The following GABRA3 variants were observed in gnomAD, a reference collection of about 807,000 sequenced individuals.
The protein encoded by GABRA3 is gamma-aminobutyric acid type A receptor subunit alpha3.
A neutral mutation model predicts 30.1 loss-of-function variants in GABRA3; 10 were observed. That is an observed-to-expected ratio of 0.33 (90% CI 0.20 to 0.56). The LOEUF (loss-of-function observed/expected upper bound fraction) is 0.56. Among genes scored for constraint, GABRA3 ranks in the 20% least tolerant of loss-of-function variants. GABRA3 has a pLI of 0.89. For synonymous variants in GABRA3, 151 were observed against 146.8 expected, an observed-to-expected ratio of 1.03 and a Z score of -0.21; for missense variants, 233 against 392.0, an observed-to-expected ratio of 0.59 and a Z score of 3.42.
chrX:152,428,475 AC>A (rs762404164), intron 1 of GABRA3, among the ~76,000 whole-genome samples: 7 of 112,357 alleles, frequency 6.2e-5, no homozygotes, highest in Admixed American at 5.7e-4. Flanking sequence ...AGTTCAGGCA[AC>A]CTGCCTTTAT....
At chrX:152,319,555 C>T (rs775317063) in intron 3 of GABRA3, among the ~76,000 whole-genome samples, 53 of 111,874 alleles carry the variant, frequency 4.7e-4, no homozygotes, top group African/African-American at 1.6e-3. Context: ...GTCCTCATCT[C>T]TCACCTTATA....
intron 3 of GABRA3, among the ~76,000 whole-genome samples, chrX:152,291,559 G>A (rs903729399): frequency 8.9e-6 from 1 of 111,805 alleles, no homozygotes; most frequent in East Asian, 2.8e-4. Flanking sequence ...TTGAATAGGA[G>A]TGGTGGGAGA....
chrX:152,278,352 A>G (rs1939129889), intron 4 of GABRA3, among the ~76,000 whole-genome samples: 2 of 106,906 alleles, frequency 1.9e-5, no homozygotes, highest in Admixed American at 2.0e-4. Flanking sequence ...GAGTGAGAAC[A>G]TGTGGTGTTT....
At chrX:152,225,893 T>C (rs770403204) in intron 5 of GABRA3, among the ~76,000 whole-genome samples, 2 of 110,492 alleles carry the variant, frequency 1.8e-5, no homozygotes, top group Non-Finnish European at 3.8e-5. Flanking sequence ...TGGTTATCAA[T>C]TATAGCGTCA....
intron 3 of GABRA3, among the ~76,000 whole-genome samples, chrX:152,317,198 G>T (rs1030212937): frequency 3.6e-5 from 4 of 111,764 alleles, no homozygotes; most frequent in African/African-American, 1.3e-4. Flanking sequence ...AAATTTTAAA[G>T]CAACAGCAGT....
At chrX:152,272,093 G>T (rs1341606536) in intron 4 of GABRA3, among the ~76,000 whole-genome samples, 3 of 111,873 alleles carry the variant, frequency 2.7e-5, no homozygotes, top group African/African-American at 3.2e-5. Flanking sequence ...GTCCCCACTG[G>T]GGCACTGCCT....
chrX:152,168,407 G>A lies in GABRA3; in HGVS notation c.1300C>T (p.Pro434Ser), dbSNP rs769679884. The part of the protein sequence containing the change: ...ASSTPTIIAS[P>S]KATYVQDSPT... ...CTGTCCTGCACGTAGGTGGCCTTGG[G>A]TGAAGCAATGATTGTTGGGGTTGAG... is the stretch of plus-strand genomic sequence containing the variant. Residue 434 changes from proline to serine, a missense_variant, in exon 10 of 10, where the codon CCC (proline) becomes TCC (serine). Around this residue, in one of 6 missense-constraint regions of GABRA3, gnomAD observed 66 missense variants for 57.1 expected, o/e 1.16. Coordinates refer to ENST00000370314, the MANE Select transcript of GABRA3 (RefSeq NM_000808.4). 4 of 1,212,087 alleles carry A rather than the reference G, an allele frequency of 3.3e-6. No individual in the cohort carries two copies. Among genetic ancestry groups the A allele is most frequent in the Admixed American group, 4.3e-5 (2 of 46,044 alleles).
intron 3 of GABRA3, among the ~76,000 whole-genome samples, chrX:152,290,321 G>C (rs934868440): frequency 2.7e-5 from 3 of 112,026 alleles, no homozygotes; most frequent in African/African-American, 9.7e-5. Context: ...CTTTTGAGAA[G>C]TGTATGTTCA....
At chrX:152,233,603 G>A (rs1342710211) in intron 5 of GABRA3, among the ~76,000 whole-genome samples, 1 of 109,969 alleles carries the variant, frequency 9.1e-6, no homozygotes, top group Admixed American at 9.7e-5. Flanking sequence ...TGGTGGGACT[G>A]TAAACTAGTT....
chrX:152,226,367 C>T (rs1476267838), intron 5 of GABRA3, among the ~76,000 whole-genome samples: 2 of 111,390 alleles, frequency 1.8e-5, no homozygotes, highest in East Asian at 2.8e-4. Context: ...CTATGAGATG[C>T]TCACAGTATG....
intron 3 of GABRA3, among the ~76,000 whole-genome samples, chrX:152,326,716 G>T (rs1940065804): frequency 9.0e-6 from 1 of 111,541 alleles, no homozygotes; most frequent in African/African-American, 3.3e-5. Context: ...ACTAAACATG[G>T]AAAGGAACAA....
At chrX:152,343,685 T>C (rs1940348784) in intron 3 of GABRA3, among the ~76,000 whole-genome samples, 1 of 111,822 alleles carries the variant, frequency 8.9e-6, no homozygotes, top group Non-Finnish European at 1.9e-5. Context: ...AATACCGCTC[T>C]ACTCTAATCC....
chrX:152,289,958 A>T (rs781329572), intron 3 of GABRA3, among the ~76,000 whole-genome samples: 26 of 112,168 alleles, frequency 2.3e-4, no homozygotes, highest in African/African-American at 8.4e-4. Flanking sequence ...TGCTATTGTG[A>T]ATAGTGCCAC....
chrX:152,349,428 A>C (rs1038962376), intron 2 of GABRA3, among the ~76,000 whole-genome samples: 5 of 108,819 alleles, frequency 4.6e-5, no homozygotes, highest in African/African-American at 1.7e-4. Flanking sequence ...TAACATCATA[A>C]TGACAGGATC....
intron 2 of GABRA3, among the ~76,000 whole-genome samples, chrX:152,359,094 T>C (rs59356866): frequency 0.12 from 13,447 of 111,255 alleles, 670 homozygotes; most frequent in African/African-American, 0.17. Flanking sequence ...GGAGGAGTCC[T>C]TCCTCCTCAG....
intron 5 of GABRA3, among the ~76,000 whole-genome samples, chrX:152,225,418 GCACACACACACACGCA>G (rs1378875323): frequency 3.5e-3 from 195 of 56,043 alleles, no homozygotes; most frequent in South Asian, 4.8e-3. Context: ...ACACACACAC[GCACACACACACACGCA>G]CACACACACA....
At chrX:152,301,195 A>T (rs964120410) in intron 3 of GABRA3, among the ~76,000 whole-genome samples, 1 of 112,180 alleles carries the variant, frequency 8.9e-6, no homozygotes, top group African/African-American at 3.2e-5. Context: ...AGGATATATG[A>T]TGGTGAAAAA....
At chrX:152,370,270 G>A (rs1017737286) in intron 1 of GABRA3, among the ~76,000 whole-genome samples, 26 of 111,513 alleles carry the variant, frequency 2.3e-4, no homozygotes, top group Non-Finnish European at 4.3e-4. Context: ...ACCAGATACT[G>A]ACATTATGCT....
chrX:152,197,247 C>T (rs1444809216), intron 8 of GABRA3, among the ~76,000 whole-genome samples: 3 of 111,507 alleles, frequency 2.7e-5, no homozygotes, highest in African/African-American at 9.8e-5. Flanking sequence ...CAAAGTCAAA[C>T]GCTCATACAA....
Sources: allele counts gnomAD v4.1 joint callset (sites outside exome capture counted in the v4.1 genomes callset), GRCh38; gene constraint gnomAD v4.1.1; regional missense constraint gnomAD v4.1.1; transcripts MANE v1.5; gene names NCBI Gene and HGNC (gene_info 2026-07-23, HGNC 2026-07-21).